RUNDC3B: variants seen among roughly 807,000 people sequenced by gnomAD.
RUNDC3B encodes the protein RUN domain containing 3B.
RUNDC3B carries 33 observed loss-of-function variants against 58.4 expected under a neutral mutation model. That is an observed-to-expected ratio of 0.56 (90% CI 0.43 to 0.75). The LOEUF (loss-of-function observed/expected upper bound fraction) is 0.75, where lower values mean the gene tolerates loss of function less well. Ranked by LOEUF, RUNDC3B falls within the 30% of genes least tolerant of loss-of-function variation. The probability of loss-of-function intolerance (pLI) is 0.00; values close to 1 mark genes in which losing one functional copy is unlikely to be tolerated. For missense variants in RUNDC3B, 501 were observed against 535.7 expected (o/e 0.94, Z 0.64); for synonymous variants, 193 against 195.2 (o/e 0.99, Z 0.10).
intron 1 of RUNDC3B, among the ~76,000 whole-genome samples, chr7:87,632,223 T>C (rs989957266): frequency 1.3e-5 from 2 of 152,200 alleles, no homozygotes; most frequent in African/African-American, 4.8e-5. Flanking sequence ...CAGTTTAGGT[T>C]TAAAGTCTTC....
At chr7:87,659,410 A>C (rs185694572) in intron 2 of RUNDC3B, among the ~76,000 whole-genome samples, 2 of 152,066 alleles carry the variant, frequency 1.3e-5, no homozygotes, top group African/African-American at 4.8e-5. Flanking sequence ...TTGCAGTATT[A>C]TATTATACCA....
intron 6 of RUNDC3B, among the ~76,000 whole-genome samples, chr7:87,745,206 G>T (rs1423857222): frequency 1.3e-5 from 2 of 152,022 alleles, no homozygotes; most frequent in Non-Finnish European, 2.9e-5. Context: ...ATATGTTGTT[G>T]GATTCAGTTA....
chr7:87,765,369 T>C (rs1833921949), intron 6 of RUNDC3B, among the ~76,000 whole-genome samples: 1 of 152,030 alleles, frequency 6.6e-6, no homozygotes, highest in Non-Finnish European at 1.5e-5. Flanking sequence ...GTTTTTCTAG[T>C]TCCTTGAAGT....
intron 2 of RUNDC3B, among the ~76,000 whole-genome samples, chr7:87,700,005 T>C (rs1311451055): frequency 6.6e-6 from 1 of 152,154 alleles, no homozygotes; most frequent in Non-Finnish European, 1.5e-5. Context: ...GGTGGGGTTT[T>C]TTTTTCTGTT....
intron 1 of RUNDC3B, among the ~76,000 whole-genome samples, chr7:87,634,487 T>TGGGGGGTG (rs1366151306): frequency 1.1e-3 from 1 of 906 alleles, no homozygotes; most frequent in Non-Finnish European, 3.2e-3. Context: ...GGCGTGGTGG[T>TGGGGGGTG]GGGGGGTGGG....
intron 2 of RUNDC3B, among the ~76,000 whole-genome samples, chr7:87,662,385 G>C (rs1402826044): frequency 6.6e-6 from 1 of 152,014 alleles, no homozygotes; most frequent in East Asian, 1.9e-4. Flanking sequence ...ACACTTTCAG[G>C]TTTTAGATTT....
At chr7:87,713,515 T>A (rs1229808565) in intron 4 of RUNDC3B, among the ~76,000 whole-genome samples, 1 of 152,078 alleles carries the variant, frequency 6.6e-6, no homozygotes, top group African/African-American at 2.4e-5. Flanking sequence ...GTAGGACGTC[T>A]TAATGAGCAG....
chr7:87,688,140 A>T (rs1382377341), intron 2 of RUNDC3B, among the ~76,000 whole-genome samples: 1 of 152,158 alleles, frequency 6.6e-6, no homozygotes, highest in Non-Finnish European at 1.5e-5. Context: ...TAAGTTATGT[A>T]CTTGGAAATT....
At position 87,739,866 on chromosome 7, in the gene RUNDC3B, T is replaced by C. The variant is rs930292783; in HGVS notation, c.534T>C (p.Asn178=). 5 of 1,557,174 alleles carry C rather than the reference T, an allele frequency of 3.2e-6. No homozygotes were observed. The African/African-American group carries it at 6.8e-5, about 21-fold the overall frequency. Residue 178 remains asparagine, a synonymous_variant, in exon 5 of 11, where the codon AAT becomes AAC. Coordinates refer to ENST00000394654, the MANE Select transcript of RUNDC3B (RefSeq NM_001134405.2). ...TTGCTGGCATGCTTCTAGGACTCAA[T>C]GCTATTGATTTCAGGTACTTAACCA... ...NMLAGMLLGL[N]AIDFSFCLKG...
At chr7:87,662,805 T>C (rs1027929192) in intron 2 of RUNDC3B, among the ~76,000 whole-genome samples, 7 of 152,186 alleles carry the variant, frequency 4.6e-5, no homozygotes, top group African/African-American at 7.2e-5. Flanking sequence ...ATTGGTATTT[T>C]GATAGGGATT....
intron 8 of RUNDC3B, among the ~76,000 whole-genome samples, chr7:87,784,940 C>T (rs1835127958): frequency 6.6e-6 from 1 of 152,020 alleles, no homozygotes; most frequent in Non-Finnish European, 1.5e-5. Context: ...ACCAGAGACT[C>T]ACAACTTCCT....
At chr7:87,783,243 G>A (rs927251688) in intron 8 of RUNDC3B, among the ~76,000 whole-genome samples, 1 of 151,906 alleles carries the variant, frequency 6.6e-6, no homozygotes, top group Non-Finnish European at 1.5e-5. Context: ...TTATCATTAT[G>A]TAATGACCGT....
chr7:87,713,572 TG>T (rs1830284104), intron 4 of RUNDC3B, among the ~76,000 whole-genome samples: 1 of 151,264 alleles, frequency 6.6e-6, no homozygotes, highest in Non-Finnish European at 1.5e-5. Context: ...GCTTAGGGAT[TG>T]GGGTATAATT....
chr7:87,704,822 C>T (rs1829445924), intron 3 of RUNDC3B, among the ~76,000 whole-genome samples: 1 of 152,144 alleles, frequency 6.6e-6, no homozygotes, highest in South Asian at 2.1e-4. Context: ...ATGAAAAGAG[C>T]AGTTTACTTA....
chr7:87,747,338 C>T (rs1400243866), intron 6 of RUNDC3B, among the ~76,000 whole-genome samples: 4 of 152,172 alleles, frequency 2.6e-5, no homozygotes, highest in African/African-American at 9.7e-5. Context: ...ATCTATGGGT[C>T]TCTCAGCCGT....
chr7:87,711,998 G>C (rs1271181341), intron 4 of RUNDC3B, among the ~76,000 whole-genome samples: 1 of 152,062 alleles, frequency 6.6e-6, no homozygotes, highest in African/African-American at 2.4e-5. Context: ...TGACATTCTG[G>C]ATTTTGAGAA....
chr7:87,663,322 T>A (rs1585035883), intron 2 of RUNDC3B, among the ~76,000 whole-genome samples: 1 of 152,258 alleles, frequency 6.6e-6, no homozygotes, highest in Non-Finnish European at 1.5e-5. Context: ...CTTGTGTTTA[T>A]TACCCATTGA....
At chr7:87,819,385 A>G (rs1837275311) in intron 10 of RUNDC3B, among the ~76,000 whole-genome samples, 2 of 152,184 alleles carry the variant, frequency 1.3e-5, no homozygotes. Flanking sequence ...AGATTCATAA[A>G]GCAAGTCCTT....
Position 87,700,473 on chromosome 7 carries a change from C to G in RUNDC3B, c.291C>G (p.Ile97Met). The stretch of plus-strand genomic sequence containing the variant: ...GTCCTCGTAGCTTCTGGGACTATAT[C>G]AGAGTGGCTTGCCGGAAAGTTTCAC... ...YESPRSFWDY[I>M]RVACRKVSQN... The change falls in exon 3 of 11, where the codon ATC (isoleucine) becomes ATG (methionine). Residue 97 changes from isoleucine to methionine, a missense_variant. Coordinates refer to ENST00000394654, the MANE Select transcript of RUNDC3B (RefSeq NM_001134405.2). 6.2e-7 allele frequency: 1 copy of G among 1,613,412 alleles called. No individual in the cohort carries two copies. Among genetic ancestry groups the G allele is most frequent in the Non-Finnish European group, 8.5e-7 (1 of 1,179,566 alleles).
Sources: allele counts gnomAD v4.1 joint callset (sites outside exome capture counted in the v4.1 genomes callset), GRCh38; gene constraint gnomAD v4.1.1; transcripts MANE v1.5; gene names NCBI Gene and HGNC (gene_info 2026-07-23, HGNC 2026-07-21).